Variants in OSBPL1A observed in about 807,000 individuals in gnomAD.
The protein encoded by OSBPL1A is oxysterol-binding protein-related protein 1.
Under a neutral mutation model 137.1 loss-of-function variants are expected in OSBPL1A, and 80 were observed. The observed-to-expected ratio is 0.58, with a 90% CI of 0.49 to 0.70. The LOEUF (loss-of-function observed/expected upper bound fraction) is 0.70. OSBPL1A is among the 30% of genes least tolerant of loss of function. The pLI, the probability that OSBPL1A is intolerant of heterozygous loss-of-function variation, is 0.00. For synonymous variants in OSBPL1A, 365 were observed against 389.7 expected (o/e 0.94, Z 0.75); for missense variants, 970 against 1,129.4 (o/e 0.86, Z 2.02).
chr18:24,328,520 C>T (rs755155274), intron 7 of OSBPL1A, among the ~76,000 whole-genome samples: 47 of 152,094 alleles, frequency 3.1e-4, no homozygotes, highest in Non-Finnish European at 5.7e-4. Context: ...CTTAGGGACA[C>T]AGGGAAAGGC....
At chr18:24,217,288 T>C (rs1335039020) in intron 17 of OSBPL1A, among the ~76,000 whole-genome samples, 1 of 150,672 alleles carries the variant, frequency 6.6e-6, no homozygotes, top group Non-Finnish European at 1.5e-5. Flanking sequence ...GACAGAGTCT[T>C]GCTCTGTCAC....
At chr18:24,264,105 A>T (rs1325717841) in intron 15 of OSBPL1A, among the ~76,000 whole-genome samples, 2 of 152,256 alleles carry the variant, frequency 1.3e-5, no homozygotes. Flanking sequence ...AAATTACAAT[A>T]CAGTTCCCAA....
intron 27 of OSBPL1A, among the ~76,000 whole-genome samples, chr18:24,163,897 T>A (rs569901492): frequency 6.6e-6 from 1 of 152,186 alleles, no homozygotes; most frequent in South Asian, 2.1e-4. Context: ...CACACCCAGC[T>A]AATTTTGTAT....
At chr18:24,183,535 C>T (rs778834569) in intron 18 of OSBPL1A, among the ~76,000 whole-genome samples, 4 of 151,706 alleles carry the variant, frequency 2.6e-5, no homozygotes, top group East Asian at 1.9e-4. Flanking sequence ...CAGGTTCAAG[C>T]GATTCTCATG....
chr18:24,340,170 C>G (rs1337591818), intron 5 of OSBPL1A, among the ~76,000 whole-genome samples: 1 of 152,126 alleles, frequency 6.6e-6, no homozygotes. Context: ...TATAGGAAAG[C>G]CCTGGCCATT....
intron 15 of OSBPL1A, among the ~76,000 whole-genome samples, chr18:24,240,069 G>A (rs926338240): frequency 2.6e-5 from 4 of 151,266 alleles, no homozygotes; most frequent in African/African-American, 9.7e-5. Flanking sequence ...GATTACAGTT[G>A]TGCACCACCA....
At chr18:24,308,268 A>G (rs2090544777) in intron 13 of OSBPL1A, among the ~76,000 whole-genome samples, 1 of 151,150 alleles carries the variant, frequency 6.6e-6, no homozygotes, top group Non-Finnish European at 1.5e-5. Flanking sequence ...GATATGGGCC[A>G]CCACGTCCAG....
intron 13 of OSBPL1A, among the ~76,000 whole-genome samples, chr18:24,308,627 C>A (rs2090553228): frequency 6.6e-6 from 1 of 152,132 alleles, no homozygotes; most frequent in Non-Finnish European, 1.5e-5. Context: ...CCTCTAAGAG[C>A]CTATCCCAGC....
intron 17 of OSBPL1A, among the ~76,000 whole-genome samples, chr18:24,224,008 G>A (rs1295746445): frequency 6.6e-6 from 1 of 152,160 alleles, no homozygotes; most frequent in Non-Finnish European, 1.5e-5. Flanking sequence ...AGGGAATCGG[G>A]AAAGACACTC....
chr18:24,243,286 C>T (rs771580845), intron 15 of OSBPL1A, among the ~76,000 whole-genome samples: 1 of 152,110 alleles, frequency 6.6e-6, no homozygotes, highest in African/African-American at 2.4e-5. Context: ...CAAAATGATC[C>T]TTTCTTTGAA....
At chr18:24,327,758 CA>C (rs1013889486) in intron 7 of OSBPL1A, among the ~76,000 whole-genome samples, 1 of 151,906 alleles carries the variant, frequency 6.6e-6, no homozygotes, top group African/African-American at 2.4e-5. Context: ...TGACTTTTGT[CA>C]AAAACAAATT....
chr18:24,301,731 C>T (rs531400959), intron 14 of OSBPL1A, among the ~76,000 whole-genome samples: 67 of 152,208 alleles, frequency 4.4e-4, no homozygotes, highest in Non-Finnish European at 8.5e-4. Flanking sequence ...ATCAAAATAA[C>T]CTAACCACTG....
chr18:24,246,755 C>T (rs1015313513), intron 15 of OSBPL1A, among the ~76,000 whole-genome samples: 3 of 143,768 alleles, frequency 2.1e-5, no homozygotes, highest in Non-Finnish European at 3.0e-5. Context: ...GGCACCACTG[C>T]ACTCCATCCT....
At chr18:24,297,649 A>G (rs2090317388) in intron 14 of OSBPL1A, among the ~76,000 whole-genome samples, 1 of 152,234 alleles carries the variant, frequency 6.6e-6, no homozygotes, top group African/African-American at 2.4e-5. Context: ...TTGTTAACTC[A>G]AAAATCATTC....
rs534704629 is a variant in OSBPL1A, at chr18:24,198,134, T to C, written c.1602-1934A>G. Among the ~76,000 whole-genome samples, 307 of 152,242 alleles carry C rather than the reference T, an allele frequency of 2.0e-3. 3 individuals carry two copies. The highest frequency in any genetic ancestry group is 7.0e-3 in the African/African-American group (292 of 41,534). On this transcript the variant is annotated intron_variant, in intron 17 of 27. Transcript: ENST00000319481. Reference sequence around the variant, plus strand: ...GGAAAAGTCCATCCAAAGTGTAGCATACCTAGAGAGTTATGAGCTTGAAAG... The same window carrying C: ...GGAAAAGTCCATCCAAAGTGTAGCACACCTAGAGAGTTATGAGCTTGAAAG...
At chr18:24,236,582 A>G (rs1421493716) in intron 16 of OSBPL1A, among the ~76,000 whole-genome samples, 2 of 152,214 alleles carry the variant, frequency 1.3e-5, no homozygotes, top group Non-Finnish European at 2.9e-5. Flanking sequence ...GTAGCCACAG[A>G]AGGGCTACTG....
intron 1 of OSBPL1A, among the ~76,000 whole-genome samples, chr18:24,382,557 A>G (rs59843810): frequency 0.014 from 2,132 of 152,082 alleles, 50 homozygotes; most frequent in African/African-American, 0.049. Flanking sequence ...AGCCTGTGTA[A>G]CAGAGACTCC....
intron 15 of OSBPL1A, among the ~76,000 whole-genome samples, chr18:24,274,939 G>A (rs530542864): frequency 6.6e-6 from 1 of 151,954 alleles, no homozygotes; most frequent in East Asian, 1.9e-4. Context: ...AGGTGACTGA[G>A]GGGGAGCTGC....
chr18:24,356,181 A>G (rs1599708637), intron 4 of OSBPL1A, among the ~76,000 whole-genome samples: 1 of 16,522 alleles, frequency 6.1e-5, no homozygotes, highest in South Asian at 1.7e-3. Flanking sequence ...ATCTCAAAAG[A>G]AAAAAAAAAA....
Sources: allele counts gnomAD v4.1 joint callset (sites outside exome capture counted in the v4.1 genomes callset), GRCh38; gene constraint gnomAD v4.1.1; transcripts MANE v1.5; gene names NCBI Gene and HGNC (gene_info 2026-07-23, HGNC 2026-07-21).